GRIN2A: variants seen among roughly 807,000 people sequenced by gnomAD.
The protein encoded by GRIN2A is glutamate receptor ionotropic, NMDA 2A.
A neutral mutation model predicts 113.4 loss-of-function variants in GRIN2A; 22 were observed. The ratio of observed to expected loss-of-function variants is 0.19; its 90% CI spans 0.14 to 0.28. GRIN2A has a LOEUF of 0.28. Ranked by LOEUF, GRIN2A falls within the 10% of genes least tolerant of loss-of-function variation. The pLI, the probability that GRIN2A is intolerant of heterozygous loss-of-function variation, is 1.00. For synonymous variants in GRIN2A, 827 were observed against 738.4 expected (o/e 1.12, Z -1.94); for missense variants, 1,502 against 1,887.0 (o/e 0.80, Z 3.78).
At chr16:10,000,554 T>C (rs370004402) in intron 2 of GRIN2A, among the ~76,000 whole-genome samples, 1 of 152,024 alleles carries the variant, frequency 6.6e-6, no homozygotes, top group African/African-American at 2.4e-5. Context: ...TAATAGTCTA[T>C]AGAGTCCTTT....
chr16:9,963,436 C>G (rs112809872), intron 2 of GRIN2A, among the ~76,000 whole-genome samples: 6 of 152,124 alleles, frequency 3.9e-5, no homozygotes, highest in African/African-American at 1.2e-4. Flanking sequence ...TCCTCTTGCC[C>G]CCCACCCCTG....
intron 2 of GRIN2A, among the ~76,000 whole-genome samples, chr16:10,014,144 G>T (rs2046560298): frequency 6.6e-6 from 1 of 152,228 alleles, no homozygotes; most frequent in Non-Finnish European, 1.5e-5. Flanking sequence ...GGTGAGTTGT[G>T]AGTGAATGTG....
chr16:10,180,231 C>T lies in GRIN2A; in HGVS notation c.181G>A (p.Ala61Thr), dbSNP rs750050760. The T allele has an allele frequency of 6.2e-7, 1 of 1,614,094 alleles. No individual in the cohort carries two copies. The highest frequency in any genetic ancestry group is 8.5e-7 in the Non-Finnish European group (1 of 1,180,018). The stretch of plus-strand genomic sequence containing the variant: ...ACGTTCACGTCCAGGGGCAGCCCCG[C>T]CGCCTGCTCGGGGCCCCACAGTGTT... ...LRTLWGPEQAAGLPLDVNVVA... is the reference protein window; with the variant it reads ...LRTLWGPEQATGLPLDVNVVA... Residue 61 changes from alanine (A) to threonine (T), a missense_variant, in exon 2 of 13, where the codon GCG (alanine) becomes ACG (threonine). Coordinates refer to ENST00000330684, the MANE Select transcript of GRIN2A (RefSeq NM_001134407.3). This position sits in a 1 kb window ranked among gnomAD's most constrained non-coding sequence, Gnocchi z 7.0.
chr16:10,101,275 A>G (rs1356063863), intron 2 of GRIN2A, among the ~76,000 whole-genome samples: 3 of 152,194 alleles, frequency 2.0e-5, no homozygotes, highest in African/African-American at 7.2e-5. Context: ...ATGCCCTCTC[A>G]ATAAACTTCT....
At chr16:10,107,027 C>A (rs1352443230) in intron 2 of GRIN2A, among the ~76,000 whole-genome samples, 1 of 152,148 alleles carries the variant, frequency 6.6e-6, no homozygotes, top group Non-Finnish European at 1.5e-5. Flanking sequence ...CCCAGCTCAG[C>A]TGGCTTTGAA....
chr16:9,887,686 A>C (rs2043611091), intron 4 of GRIN2A, among the ~76,000 whole-genome samples: 2 of 152,328 alleles, frequency 1.3e-5, no homozygotes, highest in Middle Eastern at 3.4e-3. Context: ...TCTTTGGGAT[A>C]AATAACTAGG....
chr16:9,933,915 G>C (rs1027132969), intron 3 of GRIN2A, among the ~76,000 whole-genome samples: 1 of 152,174 alleles, frequency 6.6e-6, no homozygotes, highest in Non-Finnish European at 1.5e-5. Context: ...TTGTACGTTA[G>C]ACAGAAGTAT....
intron 3 of GRIN2A, among the ~76,000 whole-genome samples, chr16:9,914,837 C>A (rs1050518405): frequency 7.5e-6 from 1 of 134,012 alleles, no homozygotes; most frequent in African/African-American, 2.8e-5. Flanking sequence ...GAAGAGCCAA[C>A]AGCAACATTC....
intron 2 of GRIN2A, among the ~76,000 whole-genome samples, chr16:9,985,236 G>C (rs563894835): frequency 6.6e-6 from 1 of 152,156 alleles, no homozygotes; most frequent in Admixed American, 6.5e-5. Flanking sequence ...TCCAGATATG[G>C]GGCCAATTAT....
At chr16:10,147,685 C>T (rs554584188) in intron 2 of GRIN2A, among the ~76,000 whole-genome samples, 11 of 151,510 alleles carry the variant, frequency 7.3e-5, no homozygotes, top group African/African-American at 2.7e-4. Flanking sequence ...CAGGGTCCAA[C>T]CATAGCAAAA....
Position 10,143,923 on chromosome 16 carries a change from G to T in GRIN2A, c.414+36075C>A, listed in dbSNP as rs1030928938. On this transcript the variant is annotated intron_variant, in intron 2 of 12. Transcript: ENST00000330684. Reference sequence around the variant, plus strand: ...GGAGGTTACAGTGAGCCACTATCACGCCACTGTATTCCAGCCTGGGCAACA... The same window carrying T: ...GGAGGTTACAGTGAGCCACTATCACTCCACTGTATTCCAGCCTGGGCAACA... Among the ~76,000 whole-genome samples the T allele has an allele frequency of 7.2e-5, 11 of 152,194 alleles. 1 individual carries two copies. In the South Asian group the frequency reaches 1.9e-3, roughly 26 times the overall value.
At chr16:9,886,232 C>G (rs1255860118) in intron 4 of GRIN2A, among the ~76,000 whole-genome samples, 4 of 152,052 alleles carry the variant, frequency 2.6e-5, no homozygotes, top group African/African-American at 9.7e-5. Flanking sequence ...GGCAGAAAGG[C>G]TCCAACTCTC....
intron 4 of GRIN2A, among the ~76,000 whole-genome samples, chr16:9,876,670 T>C (rs1174509210): frequency 2.0e-5 from 3 of 152,212 alleles, no homozygotes; most frequent in Non-Finnish European, 2.9e-5. Context: ...ACTACAGGCC[T>C]GGCACTGAGT....
chr16:9,791,365 C>T (rs1902595001), intron 11 of GRIN2A, among the ~76,000 whole-genome samples: 1 of 152,166 alleles, frequency 6.6e-6, no homozygotes, highest in South Asian at 2.1e-4. Context: ...AAAAAAATTT[C>T]AAATGGTGAA....
At chr16:9,891,364 T>G (rs940864002) in intron 3 of GRIN2A, among the ~76,000 whole-genome samples, 2 of 152,242 alleles carry the variant, frequency 1.3e-5, no homozygotes, top group Non-Finnish European at 2.9e-5. Flanking sequence ...ATGATCTTCT[T>G]ACAGGAAGAT....
At chr16:9,835,910 A>G (rs1203012241) in intron 7 of GRIN2A, among the ~76,000 whole-genome samples, 3 of 152,228 alleles carry the variant, frequency 2.0e-5, no homozygotes, top group African/African-American at 7.2e-5. Context: ...GATAGTGCAA[A>G]TATATTAAAA....
chr16:9,755,213 T>C lies in GRIN2A; in HGVS notation c.*7936A>G, dbSNP rs999186625. 2 of 188,006 alleles carry C rather than the reference T, an allele frequency of 1.1e-5. No individual in the cohort carries two copies. The highest frequency in any genetic ancestry group is 1.2e-4 in the Admixed American group (2 of 16,168). The allele number at this position is 188,006 out of a possible 1,614,324, so 11.6% of individuals were successfully genotyped here. Reference sequence around the variant, plus strand: ...CCGCTGACACTTTATCTGAGGAAGTTAATCTGAGGAATGACTTCATTTTAA... The same window carrying C: ...CCGCTGACACTTTATCTGAGGAAGTCAATCTGAGGAATGACTTCATTTTAA... On this transcript the variant is annotated 3_prime_UTR_variant, in exon 13 of 13. Transcript: ENST00000330684.
At position 9,763,793 on chromosome 16, in the gene GRIN2A, CT is replaced by C; in HGVS notation, c.3750del (p.Asp1251ThrfsTer34). 6.2e-7 allele frequency: 1 copy of C among 1,614,110 alleles called. No homozygotes were observed. ...LRMGNLYDID[E>X]DQMLQETGNP... ...TTACCTGTCTCCTGAAGCATCTGGTCTTCATCGATGTCATAGAGGTTCCCCA... is the reference window on the plus strand; with the variant it reads ...TTACCTGTCTCCTGAAGCATCTGGTCTCATCGATGTCATAGAGGTTCCCCA... On this transcript the variant is annotated frameshift_variant, in exon 13 of 13. Coordinates refer to ENST00000330684, the MANE Select transcript of GRIN2A (RefSeq NM_001134407.3). LOFTEE classifies it high-confidence loss of function.
chr16:9,815,942 G>T (rs1476679232), intron 10 of GRIN2A, among the ~76,000 whole-genome samples: 1 of 152,196 alleles, frequency 6.6e-6, no homozygotes, highest in African/African-American at 2.4e-5. Flanking sequence ...GCCTTAAAAA[G>T]GAATAAAATT....
Sources: allele counts gnomAD v4.1 joint callset (sites outside exome capture counted in the v4.1 genomes callset), GRCh38; gene constraint gnomAD v4.1.1; non-coding constraint Gnocchi (gnomAD v3.1); transcripts MANE v1.5; gene names NCBI Gene and HGNC (gene_info 2026-07-23, HGNC 2026-07-21).